The following KPTN variants were observed in gnomAD, a reference collection of about 807,000 sequenced individuals.
KPTN encodes the protein kaptin, actin binding protein, also known as KICSTOR complex protein kaptin.
A neutral mutation model predicts 52.6 loss-of-function variants in KPTN; 36 were observed. The ratio of observed to expected loss-of-function variants is 0.68; its 90% CI spans 0.52 to 0.90. The LOEUF is 0.90. Among genes scored for constraint, KPTN ranks in the 40% least tolerant of loss-of-function variants. KPTN has a pLI of 0.00. For missense variants in KPTN, 529 were observed against 576.2 expected (o/e 0.92, Z 0.84); for synonymous variants, 271 against 248.4 (o/e 1.09, Z -0.85).
intron 11 of KPTN, among the ~76,000 whole-genome samples, 161 bp downstream of exon 11, chr19:47,476,371 T>C (rs1487530870): frequency 1.4e-5 from 1 of 73,592 alleles, no homozygotes; most frequent in African/African-American, 5.2e-5. Flanking sequence ...CCACCCCAGC[T>C]GCTGTGAGCG....
rs754422629 is a variant in KPTN at position 47,476,922 on chromosome 19, C to T, written c.880G>A (p.Gly294Ser). Residue 294 changes from glycine to serine, a missense_variant, in exon 10 of 12, where the codon GGT becomes AGT. By Grantham distance (56) the Gly-to-Ser change is moderately conservative. Transcript: ENST00000338134. ...GGCAGGAGAAGCTGGTCTTCAAGAC[C>T]CCGGTTCAGCAGGTCCCTGAGGGTC... is the stretch of plus-strand genomic sequence containing the variant. ...AVVYRDLLNR[G>S]LEDQLLLPGS... 1.8e-5 allele frequency: 28 copies of T among 1,557,382 alleles called. No homozygotes were observed. The highest frequency in any genetic ancestry group is 2.4e-5 in the Non-Finnish European group (28 of 1,150,054).
In KPTN at chr19:47,483,142, A is replaced by C; in HGVS notation, c.449+19T>G. The C allele has an allele frequency of 4.3e-6, 7 of 1,612,126 alleles. 1 individual carries two copies. In the South Asian group the frequency reaches 7.7e-5, roughly 18 times the overall value. On this transcript the variant is annotated intron_variant, in intron 4 of 11. Transcript: ENST00000338134. Reference sequence around the variant, plus strand: ...TACATTTACAGTGGAGTGGGCGTCGATGCGCAGGGGACACTCACTCCGCAT... The same window carrying C: ...TACATTTACAGTGGAGTGGGCGTCGCTGCGCAGGGGACACTCACTCCGCAT...
Position 47,475,320 on chromosome 19 carries a change from G to A in KPTN, c.*96C>T, listed in dbSNP as rs1967623859. 1.4e-6 allele frequency: 2 copies of A among 1,458,914 alleles called. No individual in the cohort carries two copies. The highest frequency in any genetic ancestry group is 9.2e-7 in the Non-Finnish European group (1 of 1,082,130). The allele number at this position is 1,458,914 out of a possible 1,614,324, so 90.4% of individuals were successfully genotyped here. A position where few individuals can be genotyped will look rare whatever the true frequency, so the allele number is the denominator to read the frequency against. On this transcript the variant is annotated 3_prime_UTR_variant, in exon 12 of 12. Coordinates refer to ENST00000338134, the MANE Select transcript of KPTN (RefSeq NM_007059.4). ...CTTCACCACCCTGGGGAGGTCTGGG[G>A]AGAGCATCCTGTCCTTCAGGACACC... is the stretch of plus-strand genomic sequence containing the variant.
Position 47,476,584 on chromosome 19 carries a change from TC to T in KPTN, c.1129del (p.Asp377MetfsTer11), listed in dbSNP as rs771273840. 2 of 1,611,494 alleles carry T rather than the reference TC, an allele frequency of 1.2e-6. No homozygotes were observed. Among genetic ancestry groups the T allele is most frequent in the South Asian group, 2.2e-5 (2 of 90,866 alleles). On this transcript the variant is annotated frameshift_variant, in exon 11 of 12. Transcript: ENST00000338134. LOFTEE classifies it high-confidence loss of function. ...GACCACGGCAAGCTCCTGCAGCCCA[TC>T]CCCGGTCAGGTCCACGTGAGCCATG... ...LAMAHVDLTG[D>X]GLQELAVVSL...
At chr19:47,477,532 C>G (rs980480800) in intron 9 of KPTN, among the ~76,000 whole-genome samples, 174 bp downstream of exon 9, 1 of 151,738 alleles carries the variant, frequency 6.6e-6, no homozygotes, top group Non-Finnish European at 1.5e-5. Context: ...TCAACATATT[C>G]CCTACAAGTC....
intron 4 of KPTN, 45 bp from the exon 5 acceptor site, chr19:47,481,078 G>T (rs1204093720): frequency 2.0e-6 from 3 of 1,478,820 alleles, no homozygotes; most frequent in Non-Finnish European, 2.8e-6. Flanking sequence ...GAATCCACAT[G>T]GTCTGAGAAC....
intron 1 of KPTN, 120 bp from the exon 2 acceptor site, chr19:47,483,704 A>C (rs1599879775): frequency 1.1e-6 from 1 of 890,470 alleles, no homozygotes; most frequent in Non-Finnish European, 1.7e-6. Context: ...GACCACCATC[A>C]CCTGATCTCT....
chr19:47,479,876 G>C lies in KPTN; in HGVS notation c.774C>G (p.Leu258=), dbSNP rs1242319164. Residue 258 remains leucine, a synonymous_variant, in exon 8 of 12, where the codon CTC becomes CTG. Coordinates refer to ENST00000338134, the MANE Select transcript of KPTN (RefSeq NM_007059.4). ...GPISRVIVFS[L]SAAKETKDRP... ...CCCAGAGCTCACCCTTGGCGGCCGA[G>C]AGGCTGAACACAATCACTCGGGAGA... The C allele has an allele frequency of 1.9e-6, 3 of 1,613,392 alleles. No homozygotes were observed. The highest frequency in any genetic ancestry group is 2.5e-6 in the Non-Finnish European group (3 of 1,179,698).
chr19:47,478,714 C>T (rs1249837294), intron 8 of KPTN, among the ~76,000 whole-genome samples: 1 of 151,928 alleles, frequency 6.6e-6, no homozygotes, highest in Non-Finnish European at 1.5e-5. Flanking sequence ...TGGAGTACTA[C>T]TCAAGTCATA....
At chr19:47,484,684 C>T (rs1968017744), upstream of KPTN, among the ~76,000 whole-genome samples, 1 of 150,884 alleles carries the variant, frequency 6.6e-6, no homozygotes, top group Non-Finnish European at 1.5e-5. Flanking sequence ...GGAAACCAAA[C>T]AAGGTAACTC....
At chr19:47,478,524 G>T (rs1294383406) in intron 8 of KPTN, among the ~76,000 whole-genome samples, 1 of 131,208 alleles carries the variant, frequency 7.6e-6, no homozygotes, top group African/African-American at 2.7e-5. Context: ...GTGATAGTGA[G>T]CCGAGATTGT....
At chr19:47,476,034 G>A (rs943914743) in intron 11 of KPTN, 1 of 153,314 alleles carries the variant, frequency 6.5e-6, no homozygotes, top group Admixed American at 6.5e-5. Context: ...AGGCCAGGGT[G>A]TGGTGGCTCA....
At chr19:47,483,071 T>G in intron 4 of KPTN, 90 bp downstream of exon 4, 1 of 1,261,298 alleles carries the variant, frequency 7.9e-7, no homozygotes, top group Non-Finnish European at 1.2e-6. Context: ...GGAAACAGAC[T>G]ACAGGGGTCT....
Position 47,483,300 on chromosome 19 carries a change from A to G in KPTN, c.389T>C (p.Ile130Thr), listed in dbSNP as rs1353023044. The G allele has an allele frequency of 6.2e-7, 1 of 1,614,026 alleles. No individual in the cohort carries two copies. Among genetic ancestry groups the G allele is most frequent in the East Asian group, 2.2e-5 (1 of 44,878 alleles). The change falls in exon 3 of 12, where the codon ATT becomes ACT. Residue 130 changes from isoleucine to threonine, a missense_variant. Physicochemically the swap from Ile to Thr is moderately conservative, Grantham distance 89. Transcript: ENST00000338134. ...EPGSEYNLDS[I>T]AQSCLNLELQ... Reference sequence around the variant, plus strand: ...CCCGTCCACGCCTCACTCACGGGCAATAGAGTCAAGGTTGTACTCAGAGCC... The same window carrying G: ...CCCGTCCACGCCTCACTCACGGGCAGTAGAGTCAAGGTTGTACTCAGAGCC...
At chr19:47,484,241 CGCCGGGTG>C, upstream of KPTN, 2 of 1,454,670 alleles carry the variant, frequency 1.4e-6, no homozygotes, top group Non-Finnish European at 1.8e-6. Context: ...CGACCTGAAC[CGCCGGGTG>C]CCCGGCCGTT....
In KPTN at chr19:47,476,626, G is replaced by A. The variant is rs1246695160; in HGVS notation, c.1088C>T (p.Ser363Phe). 1 of 1,612,742 alleles carries A rather than the reference G, an allele frequency of 6.2e-7. No homozygotes were observed. The highest frequency in any genetic ancestry group is 8.5e-7 in the Non-Finnish European group (1 of 1,179,788). Residue 363 changes from serine to phenylalanine, a missense_variant, in exon 11 of 12, where the codon TCC (serine) becomes TTC (phenylalanine). Physicochemically the swap from Ser to Phe is radical, Grantham distance 155. Transcript: ENST00000338134. ...GFHLLWQRSF[S>F]SPLLAMAHVD... ...GTGAGCCATGGCCAGCAGGGGACTG[G>A]AGAAGCTCCGCTGCCACAGCAGATG...
At position 47,475,389 on chromosome 19, in the gene KPTN, G is replaced by C; in HGVS notation, c.*27C>G. 1 of 1,608,576 alleles carries C rather than the reference G, an allele frequency of 6.2e-7. No homozygotes were observed. On this transcript the variant is annotated 3_prime_UTR_variant, in exon 12 of 12. Transcript: ENST00000338134. ...GTGAGCACGCCATGAGTCGCCCCAGGTCTGGGAAGAGTGGGTGCATGGGTG... is the reference window on the plus strand; with the variant it reads ...GTGAGCACGCCATGAGTCGCCCCAGCTCTGGGAAGAGTGGGTGCATGGGTG...
At chr19:47,476,278 G>A in intron 11 of KPTN, 1 of 265,142 alleles carries the variant, frequency 3.8e-6, no homozygotes, top group Non-Finnish European at 6.8e-6. Context: ...CACTGCGCTA[G>A]AGCCTGGGTG....
chr19:47,483,661 A>G, intron 1 of KPTN, 77 bp from the exon 2 acceptor site: 1 of 1,142,598 alleles, frequency 8.8e-7, no homozygotes, highest in African/African-American at 1.5e-5. Context: ...AGCTCTGGCT[A>G]CCGCAATGAT....
Sources: allele counts gnomAD v4.1 joint callset (sites outside exome capture counted in the v4.1 genomes callset), GRCh38; gene constraint gnomAD v4.1.1; transcripts MANE v1.5; gene names NCBI Gene and HGNC (gene_info 2026-07-23, HGNC 2026-07-21).